Variants in ARHGAP26 observed in about 807,000 individuals in gnomAD.
ARHGAP26 encodes the protein Rho GTPase activating protein 26, also known as rho GTPase-activating protein 26.
In ARHGAP26, 38 loss-of-function variants were observed where a neutral mutation model predicts 104.8. That is an observed-to-expected ratio of 0.36 (90% confidence interval 0.28 to 0.48). The LOEUF is 0.48. Among genes scored for constraint, ARHGAP26 ranks in the 20% least tolerant of loss-of-function variants. The pLI is 0.99. For synonymous variants in ARHGAP26, 341 were observed against 340.0 expected (o/e 1.00, Z -0.03); for missense variants, 704 against 947.9 (o/e 0.74, Z 3.38).
intron 11 of ARHGAP26, among the ~76,000 whole-genome samples, chr5:143,006,828 T>G (rs2152801140): frequency 6.6e-6 from 1 of 152,302 alleles, no homozygotes; most frequent in Admixed American, 6.5e-5. Flanking sequence ...GTGTGGCCTG[T>G]GGCCCATGGG....
intron 8 of ARHGAP26, among the ~76,000 whole-genome samples, chr5:142,907,082 A>C (rs1598182887): frequency 1.3e-5 from 2 of 152,320 alleles, no homozygotes; most frequent in East Asian, 3.9e-4. Context: ...ACTAATCTTG[A>C]GGGACATAGT....
chr5:142,943,665 T>G (rs1278567053), intron 11 of ARHGAP26, among the ~76,000 whole-genome samples: 1 of 152,240 alleles, frequency 6.6e-6, no homozygotes, highest in African/African-American at 2.4e-5. Flanking sequence ...TTAAGGATAT[T>G]TAGAAATCCA....
At chr5:142,890,438 A>T (rs1428042472) in intron 5 of ARHGAP26, among the ~76,000 whole-genome samples, 2 of 150,864 alleles carry the variant, frequency 1.3e-5, no homozygotes, top group African/African-American at 4.9e-5. Context: ...GTGGGTTAGG[A>T]TGGGAGGAGG....
At position 143,227,950 on chromosome 5, in the gene ARHGAP26, G is replaced by T. The variant is rs547002508; in HGVS notation, c.*5504G>T. ...CAGAGTGAAAACGTCTCTCAAGGTG[G>T]AATGCTTTAGAGAGCAAAGGCTTAG... On this transcript the variant is annotated 3_prime_UTR_variant, in exon 23 of 23. Transcript: ENST00000645722. The T allele has an allele frequency of 4.5e-6, 1 of 221,542 alleles. No homozygotes were observed. The highest frequency in any genetic ancestry group is 6.6e-5 in the East Asian group (1 of 15,122). 13.7% of individuals were successfully genotyped at this position (221,542 alleles called of 1,614,324 possible). A position where few individuals can be genotyped will look rare whatever the true frequency, so the allele number is the denominator to read the frequency against.
chr5:142,848,436 C>T (rs1772446301), intron 1 of ARHGAP26, among the ~76,000 whole-genome samples: 1 of 152,118 alleles, frequency 6.6e-6, no homozygotes, highest in African/African-American at 2.4e-5. Flanking sequence ...TTTCCCAGTC[C>T]CATTTTCCTC....
intron 11 of ARHGAP26, among the ~76,000 whole-genome samples, chr5:143,005,302 G>A (rs1435122329): frequency 1.3e-5 from 2 of 152,356 alleles, no homozygotes; most frequent in East Asian, 1.9e-4. Context: ...TGCCTGTGTG[G>A]TAGCCGAAGT....
intron 20 of ARHGAP26, among the ~76,000 whole-genome samples, chr5:143,196,995 T>G (rs944697478): frequency 2.6e-5 from 4 of 152,248 alleles, no homozygotes; most frequent in African/African-American, 9.6e-5. Context: ...TGCAACATTT[T>G]ATTGTTTTGA....
intron 17 of ARHGAP26, among the ~76,000 whole-genome samples, chr5:143,094,952 A>G (rs6580268): frequency 0.082 from 12,488 of 152,178 alleles, 928 homozygotes; most frequent in East Asian, 0.28. Context: ...TAGAAGGCAA[A>G]GAATTGAACA....
At chr5:143,055,894 T>G in intron 15 of ARHGAP26, 134 bp from the exon 16 acceptor site, 1 of 609,712 alleles carries the variant, frequency 1.6e-6, no homozygotes, top group Non-Finnish European at 2.8e-6. Flanking sequence ...ATAGGGAAAC[T>G]ACATTGTTAT....
rs114742987 is a variant in ARHGAP26 at position 142,931,029 on chromosome 5, C to T, written c.1029-1018C>T. On this transcript the variant is annotated intron_variant, in intron 10 of 22. Transcript: ENST00000645722. ...AGTGTTTGTGTACTCAGACAGGAATCGGACTTTAGTTCTTGCTCAGTGGAC... is the reference window on the plus strand; with the variant it reads ...AGTGTTTGTGTACTCAGACAGGAATTGGACTTTAGTTCTTGCTCAGTGGAC... Among the ~76,000 whole-genome samples, 370 of 152,232 alleles carry T rather than the reference C, an allele frequency of 2.4e-3. 2 individuals are homozygous for T. Among genetic ancestry groups the T allele is most frequent in the Non-Finnish European group, 3.4e-3 (230 of 68,006 alleles).
chr5:143,190,313 T>C (rs1805758469), intron 20 of ARHGAP26, among the ~76,000 whole-genome samples: 1 of 152,102 alleles, frequency 6.6e-6, no homozygotes. Context: ...CTTCTTAAAG[T>C]AAAAATGCTT....
intron 20 of ARHGAP26, chr5:143,165,151 C>A (rs1801761921): frequency 6.6e-6 from 1 of 152,220 alleles, no homozygotes; most frequent in African/African-American, 2.4e-5. Context: ...TTGCTTTTTA[C>A]ACATCACCAT....
chr5:143,067,380 G>C (rs957910147), intron 17 of ARHGAP26, among the ~76,000 whole-genome samples: 1 of 152,076 alleles, frequency 6.6e-6, no homozygotes, highest in African/African-American at 2.4e-5. Flanking sequence ...CCTTTCCCGA[G>C]TTACTGAAAT....
chr5:142,777,228 C>T (rs1756505576), intron 1 of ARHGAP26, among the ~76,000 whole-genome samples: 1 of 152,280 alleles, frequency 6.6e-6, no homozygotes, highest in South Asian at 2.1e-4. Flanking sequence ...TGATCAGTTT[C>T]AGGATCTCAG....
chr5:142,867,610 C>A (rs2152333440), intron 1 of ARHGAP26, among the ~76,000 whole-genome samples: 1 of 152,200 alleles, frequency 6.6e-6, no homozygotes, highest in African/African-American at 2.4e-5. Context: ...TGTGCTGGGG[C>A]TAAGAGAGGA....
intron 1 of ARHGAP26, among the ~76,000 whole-genome samples, chr5:142,851,613 T>G (rs1252937656): frequency 6.6e-6 from 1 of 152,214 alleles, no homozygotes; most frequent in Non-Finnish European, 1.5e-5. Context: ...TATGGATCAC[T>G]GATGGAACTG....
At chr5:143,056,316 C>CTTTTTT (rs10672936) in intron 16 of ARHGAP26, among the ~76,000 whole-genome samples, 4 of 80,070 alleles carry the variant, frequency 5.0e-5, no homozygotes, top group Non-Finnish European at 7.1e-5. Context: ...CTTCAGAAGT[C>CTTTTTT]TTTTTTTTTT....
chr5:142,844,109 T>C (rs2152213910), intron 1 of ARHGAP26, among the ~76,000 whole-genome samples: 1 of 151,052 alleles, frequency 6.6e-6, no homozygotes, highest in Admixed American at 6.6e-5. Flanking sequence ...TAGAGTGTAG[T>C]GGCACGATCT....
intron 19 of ARHGAP26, among the ~76,000 whole-genome samples, chr5:143,140,566 C>A (rs753187312): frequency 2.0e-5 from 3 of 152,200 alleles, no homozygotes; most frequent in Non-Finnish European, 4.4e-5. Flanking sequence ...TATCATCACG[C>A]TGTAGTTGTA....
Sources: allele counts gnomAD v4.1 joint callset (sites outside exome capture counted in the v4.1 genomes callset), GRCh38; gene constraint gnomAD v4.1.1; transcripts MANE v1.5; gene names NCBI Gene and HGNC (gene_info 2026-07-23, HGNC 2026-07-21).